Variants in KCNK2 observed in about 807,000 individuals in gnomAD.
KCNK2 encodes the protein potassium two pore domain channel subfamily K member 2, also known as potassium channel subfamily K member 2.
KCNK2 carries 21 observed loss-of-function variants against 40.5 expected under a neutral mutation model. The observed-to-expected ratio is 0.52, with a 90% CI of 0.37 to 0.75. KCNK2 has a LOEUF of 0.75. KCNK2 is among the 30% of genes least tolerant of loss of function. The pLI is 0.00. For missense variants in KCNK2, 399 were observed against 531.6 expected (o/e 0.75, Z 2.45); for synonymous variants, 191 against 202.2 (o/e 0.94, Z 0.47).
chr1:215,153,339 T>C (rs1037290976), intron 3 of KCNK2, among the ~76,000 whole-genome samples: 10 of 152,128 alleles, frequency 6.6e-5, no homozygotes, highest in African/African-American at 2.4e-4. Context: ...TTTAAATAAC[T>C]GTGGTGGAAG....
In KCNK2 at chr1:215,186,199, A is replaced by C. The variant is rs764467977; in HGVS notation, c.824-8754A>C. Among the ~76,000 whole-genome samples the C allele has an allele frequency of 9.9e-5, 15 of 152,190 alleles. 1 individual carries two copies. The highest frequency in any genetic ancestry group is 6.3e-3 in the Middle Eastern group (2 of 316). ...CAAGGCAGGAAGATCACTTGTGGCC[A>C]GAAGTTCAAGACCAGCCTGGGCAAC... On this transcript the variant is annotated intron_variant, in intron 5 of 6. Coordinates refer to ENST00000444842, the MANE Select transcript of KCNK2 (RefSeq NM_001017425.3).
chr1:215,169,496 G>T, intron 4 of KCNK2, 137 bp downstream of exon 4: 1 of 593,810 alleles, frequency 1.7e-6, no homozygotes, highest in Non-Finnish European at 2.8e-6. Context: ...ATCTCTACTG[G>T]CATGTAACTC....
intron 3 of KCNK2, among the ~76,000 whole-genome samples, chr1:215,151,007 C>A (rs536055341): frequency 6.6e-6 from 1 of 151,926 alleles, no homozygotes; most frequent in Non-Finnish European, 1.5e-5. Context: ...TATTCTTTGT[C>A]ATGATAAAAT....
At chr1:215,105,855 C>T (rs1210345646) in intron 2 of KCNK2, among the ~76,000 whole-genome samples, 1 of 152,054 alleles carries the variant, frequency 6.6e-6, no homozygotes, top group Non-Finnish European at 1.5e-5. Flanking sequence ...ATTTGGTTCT[C>T]TGTTTCTGCA....
intron 2 of KCNK2, among the ~76,000 whole-genome samples, chr1:215,106,988 C>G (rs549985306): frequency 7.9e-5 from 12 of 151,130 alleles, no homozygotes; most frequent in African/African-American, 2.9e-4. Context: ...GTTACTGTAG[C>G]CTTATAGTAT....
intron 1 of KCNK2, among the ~76,000 whole-genome samples, chr1:215,075,883 C>T (rs757003669): frequency 1.3e-5 from 2 of 152,180 alleles, no homozygotes; most frequent in Non-Finnish European, 2.9e-5. Flanking sequence ...GTGGTCCCTG[C>T]CCTAGCAGCA....
intron 1 of KCNK2, among the ~76,000 whole-genome samples, chr1:215,033,088 T>C (rs1177862117): frequency 6.6e-6 from 1 of 152,158 alleles, no homozygotes; most frequent in African/African-American, 2.4e-5. Flanking sequence ...GAGGTTTCTA[T>C]TGACATACTC....
intron 3 of KCNK2, among the ~76,000 whole-genome samples, chr1:215,148,375 A>C (rs889770938): frequency 2.0e-5 from 3 of 151,878 alleles, no homozygotes; most frequent in Non-Finnish European, 4.4e-5. Flanking sequence ...ATGCCTGTAC[A>C]TTAATTATTT....
At chr1:215,234,142 C>T (rs1465418611) in intron 6 of KCNK2, among the ~76,000 whole-genome samples, 4 of 152,120 alleles carry the variant, frequency 2.6e-5, no homozygotes, top group African/African-American at 9.7e-5. Flanking sequence ...GAAACTGTGC[C>T]TTGGGTTTAA....
At chr1:215,039,135 A>G (rs1477510480) in intron 1 of KCNK2, among the ~76,000 whole-genome samples, 2 of 152,122 alleles carry the variant, frequency 1.3e-5, no homozygotes, top group East Asian at 3.9e-4. Flanking sequence ...ACTATCTATA[A>G]GAATGCAAAA....
At chr1:215,151,977 G>A (rs931303614) in intron 3 of KCNK2, among the ~76,000 whole-genome samples, 1 of 152,064 alleles carries the variant, frequency 6.6e-6, no homozygotes, top group African/African-American at 2.4e-5. Context: ...ACCTTTGTAA[G>A]CATTTGATTT....
intron 1 of KCNK2, among the ~76,000 whole-genome samples, chr1:215,069,247 G>T (rs1658665388): frequency 6.6e-6 from 1 of 152,108 alleles, no homozygotes; most frequent in African/African-American, 2.4e-5. Context: ...CGCTTTGTTG[G>T]CCGCATCCTG....
chr1:215,006,964 G>A (rs1656146708), intron 1 of KCNK2, among the ~76,000 whole-genome samples: 1 of 133,956 alleles, frequency 7.5e-6, no homozygotes, highest in Non-Finnish European at 1.6e-5. Flanking sequence ...GTTCCACATT[G>A]GAAGGGTATC....
intron 3 of KCNK2, among the ~76,000 whole-genome samples, chr1:215,144,112 T>C (rs948774463): frequency 6.6e-6 from 1 of 152,204 alleles, no homozygotes; most frequent in African/African-American, 2.4e-5. Flanking sequence ...ACTCTTTTGA[T>C]GCTGAGGGTA....
chr1:215,125,398 T>G (rs1661372087), intron 3 of KCNK2, among the ~76,000 whole-genome samples: 2 of 152,214 alleles, frequency 1.3e-5, no homozygotes, highest in Non-Finnish European at 1.5e-5. Flanking sequence ...TTCAACTCAC[T>G]GACACATATG....
In KCNK2 at chr1:215,166,908, C is replaced by G. The variant is rs1461282458; in HGVS notation, c.476-2291C>G. Among the ~76,000 whole-genome samples, 3 of 151,562 alleles carry G rather than the reference C, an allele frequency of 2.0e-5. No individual in the cohort carries two copies. In the East Asian group the frequency reaches 5.8e-4, roughly 29 times the overall value. ...CAAGGAATTGAGTTACTACGTGGTT[C>G]AACACTGAAAAAGAAATTAATATAA... is the stretch of plus-strand genomic sequence containing the variant. On this transcript the variant is annotated intron_variant, in intron 3 of 6. Coordinates refer to ENST00000444842, the MANE Select transcript of KCNK2 (RefSeq NM_001017425.3).
At chr1:215,045,233 CA>C (rs1242200203) in intron 1 of KCNK2, among the ~76,000 whole-genome samples, 50 of 149,440 alleles carry the variant, frequency 3.3e-4, no homozygotes, top group African/African-American at 1.1e-3. Context: ...ACATAAAAAA[CA>C]AAAAAGATGA....
chr1:215,083,225 C>T lies in KCNK2; in HGVS notation c.-161C>T. 1.9e-6 allele frequency: 3 copies of T among 1,590,120 alleles called. No homozygotes were observed. Among genetic ancestry groups the T allele is most frequent in the Admixed American group, 1.7e-5 (1 of 58,808 alleles). On this transcript the variant is annotated 5_prime_UTR_variant, in exon 1 of 7. Transcript: ENST00000444842. ...CCCCGCCCCCTCCCGCGTCCAGCCCCGCTCTCCCCACCTTGTAAAACAAAG... is the reference window on the plus strand; with the variant it reads ...CCCCGCCCCCTCCCGCGTCCAGCCCTGCTCTCCCCACCTTGTAAAACAAAG...
intron 3 of KCNK2, among the ~76,000 whole-genome samples, chr1:215,151,541 G>A (rs1662684451): frequency 6.6e-6 from 1 of 151,908 alleles, no homozygotes; most frequent in Non-Finnish European, 1.5e-5. Flanking sequence ...ATTTATAGAT[G>A]ATTTTTATAT....
Sources: gnomAD v4.1 joint callset for allele counts (sites outside exome capture counted in the v4.1 genomes callset) on GRCh38, gnomAD v4.1.1 for gene constraint, MANE v1.5 for transcripts, NCBI Gene and HGNC (gene_info 2026-07-23, HGNC 2026-07-21) for gene names.